Variants in NPTN observed in about 807,000 individuals in gnomAD.
NPTN encodes neuroplastin.
Under a neutral mutation model 42.7 loss-of-function variants are expected in NPTN, and 5 were observed. The ratio of observed to expected loss-of-function variants is 0.12; its 90% confidence interval spans 0.06 to 0.25. The LOEUF is 0.25. NPTN is among the 10% of genes least tolerant of loss of function. The pLI, the probability that NPTN is intolerant of heterozygous loss-of-function variation, is 1.00. For synonymous variants in NPTN, 180 were observed against 201.9 expected (o/e 0.89, Z 0.92); for missense variants, 307 against 525.4 (o/e 0.58, Z 4.06).
intron 1 of NPTN, among the ~76,000 whole-genome samples, chr15:73,607,149 G>A (rs1434638546): frequency 1.3e-5 from 2 of 152,176 alleles, no homozygotes; most frequent in African/African-American, 4.8e-5. Context: ...GAATCTCACT[G>A]CAGTGGTCTG....
At position 73,560,723 on chromosome 15, in the gene NPTN, T is replaced by A. The variant is rs1894611820; in HGVS notation, c.*340A>T. 6.6e-6 allele frequency: 1 copy of A among 151,988 alleles called. No homozygotes were observed. Among genetic ancestry groups the A allele is most frequent in the Non-Finnish European group, 1.5e-5 (1 of 67,968 alleles). The allele number at this position is 151,988 out of a possible 1,614,324, so 9.4% of individuals were successfully genotyped here. ...ATGGCAGCAGTGCATTTTAGAGCTT[T>A]GCCAATTTAACAGCTGCATTAAGTA... On this transcript the variant is annotated 3_prime_UTR_variant, in exon 9 of 9. Coordinates refer to ENST00000345330, the MANE Select transcript of NPTN (RefSeq NM_012428.4).
intron 3 of NPTN, among the ~76,000 whole-genome samples, chr15:73,587,923 A>G (rs1896398442): frequency 6.6e-6 from 1 of 152,226 alleles, no homozygotes; most frequent in South Asian, 2.1e-4. Flanking sequence ...CCAAAGTACT[A>G]TAGTTTATAT....
intron 3 of NPTN, 134 bp downstream of exon 3, chr15:73,591,832 C>A: frequency 1.3e-6 from 1 of 758,578 alleles, no homozygotes; most frequent in Non-Finnish European, 2.1e-6. Flanking sequence ...ACCTGAGATA[C>A]TGGATTGGAC....
chr15:73,622,732 A>G (rs1462738702), intron 1 of NPTN, among the ~76,000 whole-genome samples: 1 of 152,210 alleles, frequency 6.6e-6, no homozygotes, highest in Non-Finnish European at 1.5e-5. Context: ...TACTTTAGGA[A>G]GGTTTCTTTT....
At chr15:73,575,279 G>A (rs753896608) in intron 4 of NPTN, among the ~76,000 whole-genome samples, 35 of 150,472 alleles carry the variant, frequency 2.3e-4, no homozygotes, top group African/African-American at 6.6e-4. Context: ...CATCACGCCC[G>A]GCTAATTTTG....
Position 73,570,729 on chromosome 15 carries a change from TAAGAAACCACAGC to T in NPTN, c.841-319_841-307del, listed in dbSNP as rs537777329. ...AGTAAATGCTGCCTCCAACACCAGG[TAAGAAACCACAGC>T]AGAAAGAGGACGGCAGAAGGAGGGG... On this transcript the variant is annotated intron_variant, in intron 5 of 8. Coordinates refer to ENST00000345330, the MANE Select transcript of NPTN (RefSeq NM_012428.4). The surrounding 1 kb of genome is among the most constrained non-coding windows in gnomAD (Gnocchi z 4.0). 5.3e-3 allele frequency among the ~76,000 whole-genome samples: 811 copies of T among 151,978 alleles called. 3 individuals are homozygous for T. Among genetic ancestry groups the T allele is most frequent in the Middle Eastern group, 0.021 (6 of 292 alleles).
At chr15:73,617,899 T>C (rs1320191068) in intron 1 of NPTN, among the ~76,000 whole-genome samples, 4 of 152,220 alleles carry the variant, frequency 2.6e-5, no homozygotes, top group Non-Finnish European at 1.5e-5. Flanking sequence ...TTTCTCCCTT[T>C]AATGCATATC....
intron 4 of NPTN, among the ~76,000 whole-genome samples, chr15:73,578,699 A>T (rs1895824660): frequency 6.6e-6 from 1 of 152,224 alleles, no homozygotes; most frequent in Admixed American, 6.5e-5. Context: ...ACATATGGCT[A>T]GGTGTGGTGG....
Position 73,570,435 on chromosome 15 carries a change from T to A in NPTN, c.841-12A>T, listed in dbSNP as rs1470570768. On this transcript the variant is annotated splice_polypyrimidine_tract_variant and intron_variant, in intron 5 of 8. Coordinates refer to ENST00000345330, the MANE Select transcript of NPTN (RefSeq NM_012428.4). The surrounding 1 kb of genome is among the most constrained non-coding windows in gnomAD (Gnocchi z 4.0). Reference sequence around the variant, plus strand: ...GTATTGACAATGTCCTGCAAAAAAGTGAGAATACACAAAGGTGAGAGTGAG... The same window carrying A: ...GTATTGACAATGTCCTGCAAAAAAGAGAGAATACACAAAGGTGAGAGTGAG... 1 of 1,606,694 alleles carries A rather than the reference T, an allele frequency of 6.2e-7. No homozygotes were observed. The highest frequency in any genetic ancestry group is 8.5e-7 in the Non-Finnish European group (1 of 1,175,712).
chr15:73,570,303 C>T lies in NPTN; in HGVS notation c.961G>A (p.Ala321Thr), dbSNP rs766431527. 35 of 1,614,078 alleles carry T rather than the reference C, an allele frequency of 2.2e-5. No individual in the cohort carries two copies. In the Middle Eastern group the frequency reaches 1.5e-3, roughly 68 times the overall value. ...GTGACAACAGAGGCGGAGCCAATGG[C>T]GTTGGTGGCATTACATTCATACTCG... ...PGEYECNATN[A>T]IGSASVVTVL... is the part of the protein sequence containing the mutation. Residue 321 changes from alanine (A) to threonine (T), a missense_variant, in exon 6 of 9, where the codon GCC becomes ACC. Physicochemically the swap from Ala to Thr is moderately conservative, Grantham distance 58 (BLOSUM62 0). Transcript: ENST00000345330. The surrounding 1 kb of genome is among the most constrained non-coding windows in gnomAD (Gnocchi z 4.0).
intron 1 of NPTN, among the ~76,000 whole-genome samples, chr15:73,621,022 G>A (rs1399553759): frequency 2.0e-5 from 3 of 152,062 alleles, no homozygotes; most frequent in Non-Finnish European, 4.4e-5. Flanking sequence ...CATGTAGGTA[G>A]GTCAAAACAT....
At chr15:73,576,289 G>A (rs976753506) in intron 4 of NPTN, among the ~76,000 whole-genome samples, 1 of 152,194 alleles carries the variant, frequency 6.6e-6, no homozygotes, top group African/African-American at 2.4e-5. Flanking sequence ...AAGAAAATAA[G>A]GGAGTATATA....
At chr15:73,603,254 G>C (rs1897148377) in intron 1 of NPTN, among the ~76,000 whole-genome samples, 2 of 152,178 alleles carry the variant, frequency 1.3e-5, no homozygotes, top group Non-Finnish European at 2.9e-5. Flanking sequence ...AATAATGTTA[G>C]CTATTATTAT....
intron 1 of NPTN, among the ~76,000 whole-genome samples, chr15:73,606,054 A>G (rs558990255): frequency 6.6e-6 from 1 of 152,134 alleles, no homozygotes; most frequent in Non-Finnish European, 1.5e-5. Context: ...AAAGCAAACT[A>G]CTTCTCAAAA....
At position 73,596,935 on chromosome 15, in the gene NPTN, G is replaced by A. The variant is rs559031494; in HGVS notation, c.439+87C>T. Reference sequence around the variant, plus strand: ...AAGGGGTGGGGTGAGTGATCATACTGGGGAAGAGGGAAAGGATGCAGAAGG... The same window carrying A: ...AAGGGGTGGGGTGAGTGATCATACTAGGGAAGAGGGAAAGGATGCAGAAGG... On this transcript the variant is annotated intron_variant, in intron 2 of 8. Transcript: ENST00000345330. The A allele has an allele frequency of 3.2e-4, 346 of 1,095,648 alleles. 3 individuals carry two copies. The South Asian group carries it at 5.0e-3, about 16-fold the overall frequency. The allele number at this position is 1,095,648 out of a possible 1,614,324, so 67.9% of individuals were successfully genotyped here.
chr15:73,612,359 C>T (rs542392219), intron 1 of NPTN, among the ~76,000 whole-genome samples: 2 of 147,324 alleles, frequency 1.4e-5, no homozygotes, highest in East Asian at 4.0e-4. Context: ...GTCGAAGCTG[C>T]AATAAACCGT....
chr15:73,567,717 C>G (rs1895113133), intron 6 of NPTN: 2 of 985,296 alleles, frequency 2.0e-6, no homozygotes, highest in Non-Finnish European at 2.4e-6. Context: ...CAGAAAGAGA[C>G]AGAGGAGAAA....
intron 1 of NPTN, among the ~76,000 whole-genome samples, chr15:73,615,172 T>G (rs1459955417): frequency 6.6e-6 from 1 of 151,754 alleles, no homozygotes; most frequent in Non-Finnish European, 1.5e-5. Context: ...TTTTTTTTTT[T>G]TAAAGATAAT....
intron 1 of NPTN, among the ~76,000 whole-genome samples, chr15:73,630,758 T>C (rs1032411965): frequency 6.6e-6 from 1 of 152,230 alleles, no homozygotes; most frequent in Non-Finnish European, 1.5e-5. Flanking sequence ...AAGCAAGGTA[T>C]CCCTTTTTGA....
Sources: allele counts gnomAD v4.1 joint callset (sites outside exome capture counted in the v4.1 genomes callset), GRCh38; gene constraint gnomAD v4.1.1; non-coding constraint Gnocchi (gnomAD v3.1); transcripts MANE v1.5; gene names NCBI Gene and HGNC (gene_info 2026-07-23, HGNC 2026-07-21).